TMEM131L: variants seen among roughly 807,000 people sequenced by gnomAD.
TMEM131L encodes transmembrane protein 131-like.
A neutral mutation model predicts 192.2 loss-of-function variants in TMEM131L; 54 were observed. The observed-to-expected ratio is 0.28, with a 90% CI of 0.23 to 0.35. The LOEUF is 0.35. Among genes scored for constraint, TMEM131L ranks in the 10% least tolerant of loss-of-function variants. The pLI, the probability that TMEM131L is intolerant of heterozygous loss-of-function variation, is 1.00. For synonymous variants in TMEM131L, 701 were observed against 704.9 expected (o/e 0.99, Z 0.09); for missense variants, 1,888 against 1,972.9 (o/e 0.96, Z 0.82).
chr4:153,543,449 G>T (rs1736943590), intron 3 of TMEM131L, among the ~76,000 whole-genome samples: 1 of 152,162 alleles, frequency 6.6e-6, no homozygotes, highest in Non-Finnish European at 1.5e-5. Context: ...AAATTGTGCA[G>T]CTTAGGCCAT....
intron 18 of TMEM131L, 36 bp from the exon 19 acceptor site, chr4:153,593,763 G>A (rs377034493): frequency 7.5e-7 from 1 of 1,337,628 alleles, no homozygotes; most frequent in Non-Finnish European, 1.1e-6. Flanking sequence ...TGGCAGATGT[G>A]AGTGCTGTTT....
At chr4:153,466,864 C>G (rs1163464831) in intron 1 of TMEM131L, among the ~76,000 whole-genome samples, 1 of 152,160 alleles carries the variant, frequency 6.6e-6, no homozygotes, top group East Asian at 1.9e-4. Flanking sequence ...CTTCCTGCAG[C>G]TTTGTTCCCC....
At chr4:153,534,898 G>A (rs62324746) in intron 3 of TMEM131L, among the ~76,000 whole-genome samples, 52,099 of 152,146 alleles carry the variant, frequency 0.34, 10,558 homozygotes, top group African/African-American at 0.57. Context: ...TGAGAGCACC[G>A]TGGGTACAGA....
At chr4:153,532,984 C>CTTTTTTTT (rs70963190) in intron 3 of TMEM131L, among the ~76,000 whole-genome samples, 1 of 129,694 alleles carries the variant, frequency 7.7e-6, no homozygotes, top group African/African-American at 2.9e-5. Flanking sequence ...TTTCTCAATT[C>CTTTTTTTT]TTTTTTTTTT....
intron 3 of TMEM131L, among the ~76,000 whole-genome samples, chr4:153,474,705 G>A (rs1429125667): frequency 6.6e-6 from 1 of 152,172 alleles, no homozygotes; most frequent in Non-Finnish European, 1.5e-5. Flanking sequence ...ACAGGCGTGT[G>A]TCAACATGCC....
intron 3 of TMEM131L, among the ~76,000 whole-genome samples, chr4:153,481,453 C>T (rs188408622): frequency 1.6e-4 from 24 of 152,324 alleles, no homozygotes; most frequent in East Asian, 9.6e-4. Context: ...ATGTTTTGCA[C>T]GTCCTCCACG....
Position 153,550,064 on chromosome 4 carries a change from T to C in TMEM131L, c.240-9T>C. 7.0e-7 allele frequency: 1 copy of C among 1,428,686 alleles called. No homozygotes were observed. Among genetic ancestry groups the C allele is most frequent in the Non-Finnish European group, 9.4e-7 (1 of 1,068,298 alleles). The allele number at this position is 1,428,686 out of a possible 1,614,324, so 88.5% of individuals were successfully genotyped here. On this transcript the variant is annotated splice_polypyrimidine_tract_variant and intron_variant, in intron 3 of 34. Transcript: ENST00000409959. ...TACAACAAAATCAACCTCTCTTTTC[T>C]TTTTTTAGCTTCTCGGACAAACTAT...
At chr4:153,492,179 A>C (rs1221145429) in intron 3 of TMEM131L, among the ~76,000 whole-genome samples, 1 of 151,992 alleles carries the variant, frequency 6.6e-6, no homozygotes, top group Non-Finnish European at 1.5e-5. Context: ...TTATAAAAAA[A>C]AAAAAAGAAG....
chr4:153,612,935 T>C (rs956914900), intron 26 of TMEM131L, among the ~76,000 whole-genome samples: 2 of 152,148 alleles, frequency 1.3e-5, no homozygotes, highest in Non-Finnish European at 2.9e-5. Context: ...CTTAGTTAAA[T>C]TAATTGAACT....
intron 31 of TMEM131L, among the ~76,000 whole-genome samples, chr4:153,629,406 G>A (rs1287696629): frequency 6.6e-6 from 1 of 152,154 alleles, no homozygotes; most frequent in Non-Finnish European, 1.5e-5. Context: ...GGGTATTACT[G>A]CAGATTTCCC....
intron 28 of TMEM131L, 39 bp from the exon 29 acceptor site, chr4:153,622,859 G>C: frequency 1.3e-6 from 2 of 1,598,624 alleles, no homozygotes; most frequent in Non-Finnish European, 1.7e-6. Flanking sequence ...GAGGTTGACA[G>C]TTGTTTCAGG....
intron 17 of TMEM131L, 59 bp downstream of exon 17, chr4:153,591,253 A>G: frequency 6.8e-7 from 1 of 1,470,526 alleles, no homozygotes; most frequent in Non-Finnish European, 9.1e-7. Flanking sequence ...TTGGGTTTTC[A>G]AAGTACCAGA....
At chr4:153,485,560 T>C (rs1317134942) in intron 3 of TMEM131L, among the ~76,000 whole-genome samples, 1 of 152,200 alleles carries the variant, frequency 6.6e-6, no homozygotes, top group Non-Finnish European at 1.5e-5. Flanking sequence ...ATAATTCATA[T>C]TGATATTGTG....
chr4:153,557,014 A>T lies in TMEM131L; in HGVS notation c.481A>T (p.Thr161Ser). The T allele has an allele frequency of 6.2e-7, 1 of 1,603,308 alleles. No individual in the cohort carries two copies. The highest frequency in any genetic ancestry group is 1.1e-5 in the South Asian group (1 of 90,296). The change falls in exon 6 of 35, where the codon ACT (threonine) becomes TCT (serine). Residue 161 changes from threonine to serine, a missense_variant. By Grantham distance (58) the Thr-to-Ser change is moderately conservative. Transcript: ENST00000409959. Reference sequence around the variant, plus strand: ...TTCCTTCAGAATTATTTTCTTACCTACTGAAGAAGGAAGCATTGAAAGTTC... The same window carrying T: ...TTCCTTCAGAATTATTTTCTTACCTTCTGAAGAAGGAAGCATTGAAAGTTC... ...KTSFRIIFLP[T>S]EEGSIESSLF...
intron 17 of TMEM131L, 47 bp from the exon 18 acceptor site, chr4:153,592,428 A>G: frequency 7.9e-7 from 1 of 1,267,410 alleles, no homozygotes; most frequent in East Asian, 2.3e-5. Flanking sequence ...CTCAGGAGGG[A>G]TGCTGTGTCC....
intron 3 of TMEM131L, among the ~76,000 whole-genome samples, chr4:153,491,953 A>T (rs1228441773): frequency 6.6e-6 from 1 of 151,314 alleles, no homozygotes; most frequent in African/African-American, 2.4e-5. Flanking sequence ...TGATCCACCC[A>T]CTCCCCAAAG....
intron 7 of TMEM131L, among the ~76,000 whole-genome samples, chr4:153,564,858 C>G (rs1578755637): frequency 6.6e-6 from 1 of 152,222 alleles, no homozygotes. Flanking sequence ...GCTTGGCATA[C>G]AAGGTCCTTG....
intron 3 of TMEM131L, among the ~76,000 whole-genome samples, chr4:153,522,241 T>C (rs936952033): frequency 1.3e-5 from 2 of 152,210 alleles, no homozygotes; most frequent in Admixed American, 6.5e-5. Context: ...TTCTCACCTT[T>C]GAAGCTTGAG....
chr4:153,604,149 A>G lies in TMEM131L; in HGVS notation c.3137A>G (p.Asn1046Ser). The G allele has an allele frequency of 6.2e-7, 1 of 1,614,190 alleles. No homozygotes were observed. The highest frequency in any genetic ancestry group is 8.5e-7 in the Non-Finnish European group (1 of 1,180,026). The change falls in exon 25 of 35, where the codon AAT becomes AGT. Residue 1046 changes from asparagine (N) to serine (S), a missense_variant. Coordinates refer to ENST00000409959, the MANE Select transcript of TMEM131L (RefSeq NM_001131007.2). ...ASGINVNLQK[N>S]LTLPKNLLNK... is the part of the protein sequence containing the mutation. ...GGCATAAATGTCAACCTGCAGAAGA[A>G]TTTAACCCTTCCCAAAAACTTACTG...
Sources: gnomAD v4.1 joint callset for allele counts (sites outside exome capture counted in the v4.1 genomes callset) on GRCh38, gnomAD v4.1.1 for gene constraint, MANE v1.5 for transcripts, NCBI Gene and HGNC (gene_info 2026-07-23, HGNC 2026-07-21) for gene names.